The following HMGCS1 variants were observed in gnomAD, a reference collection of about 807,000 sequenced individuals.
HMGCS1 encodes hydroxymethylglutaryl-CoA synthase, cytoplasmic.
HMGCS1 carries 9 observed loss-of-function variants against 52.3 expected under a neutral mutation model. The observed-to-expected ratio is 0.17, with a 90% confidence interval of 0.10 to 0.30. The LOEUF (loss-of-function observed/expected upper bound fraction) is 0.30. Ranked by LOEUF, HMGCS1 falls within the 10% of genes least tolerant of loss-of-function variation. The pLI is 1.00. For synonymous variants in HMGCS1, 176 were observed against 214.4 expected (o/e 0.82, Z 1.57); for missense variants, 320 against 620.9 (o/e 0.52, Z 5.15).
chr5:43,292,462 T>A lies in HMGCS1; in HGVS notation c.1473+12A>T. The A allele has an allele frequency of 6.2e-7, 1 of 1,610,832 alleles. No homozygotes were observed. Among genetic ancestry groups the A allele is most frequent in the South Asian group, 1.1e-5 (1 of 90,982 alleles). On this transcript the variant is annotated intron_variant, in intron 10 of 10. Coordinates refer to ENST00000325110, the MANE Select transcript of HMGCS1 (RefSeq NM_001098272.3). Reference sequence around the variant, plus strand: ...AACCCTAAGATATGGAGATGGGAACTCTTTTATTTACCTCAGTTGCTATGT... The same window carrying A: ...AACCCTAAGATATGGAGATGGGAACACTTTTATTTACCTCAGTTGCTATGT...
intron 1 of HMGCS1, among the ~76,000 whole-genome samples, chr5:43,311,323 A>C (rs548527551): frequency 4.6e-3 from 185 of 40,148 alleles, no homozygotes; most frequent in African/African-American, 9.8e-3. Context: ...CTGTCTCCCC[A>C]AAAAAAAAAA....
At chr5:43,305,701 C>T (rs1427323924) in intron 2 of HMGCS1, among the ~76,000 whole-genome samples, 1 of 147,912 alleles carries the variant, frequency 6.8e-6, no homozygotes, top group Non-Finnish European at 1.5e-5. Context: ...ACCTGGGAGA[C>T]GGAGGTTGCA....
intron 2 of HMGCS1, among the ~76,000 whole-genome samples, chr5:43,301,981 C>CTGTT (rs1491091592): frequency 6.6e-6 from 1 of 152,226 alleles, no homozygotes; most frequent in East Asian, 1.9e-4. Flanking sequence ...CACACAAACC[C>CTGTT]TGTTTACTTT....
chr5:43,291,758 G>GT (rs921727348), intron 10 of HMGCS1, among the ~76,000 whole-genome samples: 3 of 152,190 alleles, frequency 2.0e-5, no homozygotes, highest in Admixed American at 1.3e-4. Context: ...ATAAGAAAAC[G>GT]TAAGTAAAGT....
chr5:43,293,463 C>T (rs1286895049), intron 8 of HMGCS1, among the ~76,000 whole-genome samples: 1 of 152,036 alleles, frequency 6.6e-6, no homozygotes, highest in East Asian at 1.9e-4. Flanking sequence ...CTTTCCTGCT[C>T]AGGGAAAGCA....
intron 8 of HMGCS1, 109 bp from the exon 9 acceptor site, chr5:43,293,082 T>A: frequency 1.2e-6 from 1 of 818,258 alleles, no homozygotes; most frequent in Non-Finnish European, 2.0e-6. Context: ...TCATTTTCAT[T>A]AAAACTACTG....
In HMGCS1 at chr5:43,290,359, T is replaced by A. The variant is rs530047928; in HGVS notation, c.*772A>T. On this transcript the variant is annotated 3_prime_UTR_variant, in exon 11 of 11. Coordinates refer to ENST00000325110, the MANE Select transcript of HMGCS1 (RefSeq NM_001098272.3). ...CATCTCACTGTTGTTCAGCATAATC[T>A]ACCATGAACTGATTCAGGAGCACAC... 6.6e-6 allele frequency: 1 copy of A among 152,464 alleles called. No individual in the cohort carries two copies. The highest frequency in any genetic ancestry group is 2.1e-4 in the South Asian group (1 of 4,824). The allele number at this position is 152,464 out of a possible 1,614,324, so 9.4% of individuals were successfully genotyped here. A position where few individuals can be genotyped will look rare whatever the true frequency, so the allele number is the denominator to read the frequency against.
intron 1 of HMGCS1, among the ~76,000 whole-genome samples, chr5:43,312,418 C>G (rs879292103): frequency 3.3e-5 from 5 of 152,216 alleles, no homozygotes; most frequent in Non-Finnish European, 5.9e-5. Flanking sequence ...GCATGACAAA[C>G]AGGCACAACC....
chr5:43,297,117 A>G lies in HMGCS1; in HGVS notation c.624T>C (p.Asp208=). 1 of 1,613,984 alleles carries G rather than the reference A, an allele frequency of 6.2e-7. No homozygotes were observed. The highest frequency in any genetic ancestry group is 8.5e-7 in the Non-Finnish European group (1 of 1,179,876). ...CTACTATAGGATATTCAGATAGCATATCAGGCTTGTAAAAATCATAGGCAT... is the reference window on the plus strand; with the variant it reads ...CTACTATAGGATATTCAGATAGCATGTCAGGCTTGTAAAAATCATAGGCAT... ...MQHAYDFYKP[D]MLSEYPIVDG... Residue 208 remains aspartate (D), a synonymous_variant, in exon 5 of 11, where the codon GAT becomes GAC. Coordinates refer to ENST00000325110, the MANE Select transcript of HMGCS1 (RefSeq NM_001098272.3).
At chr5:43,300,211 T>C (rs1269123820) in intron 2 of HMGCS1, among the ~76,000 whole-genome samples, 1 of 152,200 alleles carries the variant, frequency 6.6e-6, no homozygotes, top group Non-Finnish European at 1.5e-5. Context: ...TGAAATGTAA[T>C]TGTGAGGCTT....
chr5:43,291,714 TTA>T (rs1753775858), intron 10 of HMGCS1, among the ~76,000 whole-genome samples: 2 of 152,174 alleles, frequency 1.3e-5, no homozygotes, highest in Non-Finnish European at 2.9e-5. Context: ...ACAGTATCAT[TTA>T]TAAACTTCAA....
chr5:43,298,303 T>A lies in HMGCS1; in HGVS notation c.449-169A>T, dbSNP rs1436548814. The A allele has an allele frequency of 4.7e-5, 31 of 660,124 alleles. No homozygotes were observed. The highest frequency in any genetic ancestry group is 6.5e-5 in the Non-Finnish European group (27 of 418,290). 40.9% of individuals were successfully genotyped at this position (660,124 alleles called of 1,614,324 possible). On this transcript the variant is annotated intron_variant, in intron 3 of 10. Transcript: ENST00000325110. The surrounding 1 kb of genome is among the most constrained non-coding windows in gnomAD (Gnocchi z 5.6). Reference sequence around the variant, plus strand: ...TCATCTGCCAAGGCTCTGTCATCCATCTGACTAAATTTTGAATAGACCATT... The same window carrying A: ...TCATCTGCCAAGGCTCTGTCATCCAACTGACTAAATTTTGAATAGACCATT...
chr5:43,311,102 A>T (rs1441756315), intron 1 of HMGCS1, among the ~76,000 whole-genome samples: 1 of 152,176 alleles, frequency 6.6e-6, no homozygotes, highest in Non-Finnish European at 1.5e-5. Flanking sequence ...AGGCGGACGG[A>T]TCATTTGAGG....
chr5:43,291,456 C>A (rs907639440), intron 10 of HMGCS1, among the ~76,000 whole-genome samples: 2 of 152,022 alleles, frequency 1.3e-5, no homozygotes, highest in African/African-American at 4.8e-5. Flanking sequence ...GCCACAGAGA[C>A]CCACCACGTA....
chr5:43,297,253 T>G, intron 4 of HMGCS1, 87 bp from the exon 5 acceptor site: 1 of 1,084,374 alleles, frequency 9.2e-7, no homozygotes, highest in Non-Finnish European at 1.3e-6. Flanking sequence ...TCTAAGGACC[T>G]TCCTTAACTA....
intron 1 of HMGCS1, among the ~76,000 whole-genome samples, chr5:43,311,843 G>C (rs531078805): frequency 6.6e-6 from 1 of 152,342 alleles, no homozygotes; most frequent in South Asian, 2.1e-4. Flanking sequence ...CACAGCGTAA[G>C]TCAGACCTTC....
rs1032209069 is a variant in HMGCS1, at chr5:43,298,394, T to C, written c.448+124A>G. 17 of 719,042 alleles carry C rather than the reference T, an allele frequency of 2.4e-5. No individual in the cohort carries two copies. Among genetic ancestry groups the C allele is most frequent in the Non-Finnish European group, 3.7e-5 (16 of 436,506 alleles). The allele number at this position is 719,042 out of a possible 1,614,324, so 44.5% of individuals were successfully genotyped here. On this transcript the variant is annotated intron_variant, in intron 3 of 10. Transcript: ENST00000325110. This position sits in a 1 kb window ranked among gnomAD's most constrained non-coding sequence, Gnocchi z 5.6. Reference sequence around the variant, plus strand: ...TGACAGACAGGTAAAATATCTTTCTTAATATATCCAAACAAGGACAAATTA... The same window carrying C: ...TGACAGACAGGTAAAATATCTTTCTCAATATATCCAAACAAGGACAAATTA...
chr5:43,304,942 T>C (rs1391571678), intron 2 of HMGCS1, among the ~76,000 whole-genome samples: 1 of 152,206 alleles, frequency 6.6e-6, no homozygotes, highest in Non-Finnish European at 1.5e-5. Context: ...ATAATTGCTT[T>C]CATGACATTT....
chr5:43,313,107 C>T (rs930204851), intron 1 of HMGCS1: 1 of 152,494 alleles, frequency 6.6e-6, no homozygotes, highest in African/African-American at 2.4e-5. Context: ...TCGCGTTCTC[C>T]CCTCCGCGAC....
Sources: gnomAD v4.1 joint callset for allele counts (sites outside exome capture counted in the v4.1 genomes callset) on GRCh38, gnomAD v4.1.1 for gene constraint, Gnocchi (gnomAD v3.1) non-coding constraint, MANE v1.5 for transcripts, NCBI Gene and HGNC (gene_info 2026-07-23, HGNC 2026-07-21) for gene names.